Variants in COG6 observed in about 807,000 individuals in gnomAD.
COG6 encodes the protein component of oligomeric golgi complex 6.
In COG6, 74 loss-of-function variants were observed where a neutral mutation model predicts 88.8. That is an observed-to-expected ratio of 0.83 (90% CI 0.69 to 1.01). The LOEUF is 1.01. Among genes scored for constraint, COG6 ranks in the 50% least tolerant of loss-of-function variants. The pLI is 0.00. For synonymous variants in COG6, 286 were observed against 278.7 expected, an observed-to-expected ratio of 1.03 and a Z score of -0.26; for missense variants, 800 against 797.9, an observed-to-expected ratio of 1.00 and a Z score of -0.03.
intron 18 of COG6, among the ~76,000 whole-genome samples, chr13:39,734,845 A>G (rs1299679674): frequency 2.0e-5 from 3 of 152,132 alleles, no homozygotes; most frequent in Non-Finnish European, 2.9e-5. Context: ...CTTTATCATT[A>G]TATACTGAAC....
At chr13:39,779,352 G>A (rs568666124) in intron 18 of COG6, among the ~76,000 whole-genome samples, 5 of 152,196 alleles carry the variant, frequency 3.3e-5, no homozygotes, top group Non-Finnish European at 7.3e-5. Flanking sequence ...CATCAGTCAC[G>A]TGTGTCTCTT....
chr13:39,719,921 T>G (rs1229340101), intron 15 of COG6, 94 bp downstream of exon 15: 1 of 914,618 alleles, frequency 1.1e-6, no homozygotes, highest in African/African-American at 1.6e-5. Context: ...TTTAATGACC[T>G]AATTCCTATA....
intron 3 of COG6, among the ~76,000 whole-genome samples, chr13:39,662,758 G>C (rs1040799744): frequency 3.7e-4 from 56 of 152,186 alleles, no homozygotes; most frequent in African/African-American, 1.3e-3. Context: ...GGAGGTCCAT[G>C]ATTTTGAAAG....
At chr13:39,775,282 G>C (rs1238474846) in intron 18 of COG6, among the ~76,000 whole-genome samples, 1 of 152,170 alleles carries the variant, frequency 6.6e-6, no homozygotes, top group African/African-American at 2.4e-5. Flanking sequence ...AATAAGTTAA[G>C]ACAGGTAAAA....
chr13:39,672,863 G>A (rs1308541846), intron 4 of COG6, among the ~76,000 whole-genome samples: 1 of 152,010 alleles, frequency 6.6e-6, no homozygotes, highest in Non-Finnish European at 1.5e-5. Flanking sequence ...TCCAAAAGCA[G>A]CATATGAGGA....
chr13:39,685,669 G>GC (rs1280519147), intron 8 of COG6, among the ~76,000 whole-genome samples: 2 of 152,052 alleles, frequency 1.3e-5, no homozygotes, highest in African/African-American at 4.8e-5. Flanking sequence ...GCTGTGATAA[G>GC]CAGTCATAAG....
At chr13:39,667,548 A>G (rs943034846) in intron 4 of COG6, among the ~76,000 whole-genome samples, 1 of 152,174 alleles carries the variant, frequency 6.6e-6, no homozygotes. Context: ...TAATTACTTG[A>G]TGTTGACCTA....
intron 10 of COG6, 70 bp downstream of exon 10, chr13:39,687,869 T>A: frequency 9.2e-7 from 1 of 1,084,270 alleles, no homozygotes; most frequent in South Asian, 1.3e-5. Context: ...TTTCTGTTCT[T>A]GTTGCCATCT....
At chr13:39,756,908 C>T (rs3012151), downstream of COG6, among the ~76,000 whole-genome samples, 232 of 151,980 alleles carry the variant, frequency 1.5e-3, 2 homozygotes, top group African/African-American at 5.4e-3. Context: ...AATGAAAGGA[C>T]GCTAGACAAA....
intron 18 of COG6, among the ~76,000 whole-genome samples, chr13:39,777,402 G>C (rs374165769): frequency 2.0e-5 from 3 of 152,258 alleles, no homozygotes; most frequent in African/African-American, 4.8e-5. Flanking sequence ...AGGTTAGAAG[G>C]GGGTGTGGAG....
intron 5 of COG6, chr13:39,679,281 T>C (rs1289124984): frequency 1.3e-5 from 6 of 450,150 alleles, no homozygotes; most frequent in Non-Finnish European, 2.4e-5. Context: ...TTTGTCTTTA[T>C]AAATTTTATT....
At chr13:39,736,550 G>T (rs1188797853) in intron 18 of COG6, among the ~76,000 whole-genome samples, 1 of 152,008 alleles carries the variant, frequency 6.6e-6, no homozygotes, top group Non-Finnish European at 1.5e-5. Flanking sequence ...AATTAGCCAG[G>T]CATAGTGGTG....
chr13:39,719,610 C>T, intron 14 of COG6, 50 bp from the exon 15 acceptor site: 1 of 1,521,458 alleles, frequency 6.6e-7, no homozygotes, highest in South Asian at 1.1e-5. Flanking sequence ...TAACCCAAGA[C>T]CCTATCAGTG....
intron 4 of COG6, among the ~76,000 whole-genome samples, chr13:39,668,872 C>T (rs1479572670): frequency 1.3e-5 from 2 of 151,952 alleles, no homozygotes; most frequent in Non-Finnish European, 2.9e-5. Flanking sequence ...TAACATTTTA[C>T]AGAACTATAG....
At chr13:39,737,643 C>T (rs1020141470) in intron 18 of COG6, among the ~76,000 whole-genome samples, 2 of 151,672 alleles carry the variant, frequency 1.3e-5, no homozygotes, top group African/African-American at 4.9e-5. Context: ...CAAGTACTCC[C>T]GTGGCTGCCC....
intron 1 of COG6, chr13:39,656,808 A>G (rs1423991194): frequency 2.2e-6 from 1 of 455,718 alleles, no homozygotes; most frequent in African/African-American, 2.0e-5. Context: ...CCCTTCACTA[A>G]TCTCAGCTTC....
chr13:39,732,307 G>A (rs1253037029), intron 18 of COG6, among the ~76,000 whole-genome samples: 2 of 151,992 alleles, frequency 1.3e-5, no homozygotes, highest in Non-Finnish European at 2.9e-5. Context: ...ACTGCCTTCC[G>A]GAACAAAACA....
At chr13:39,659,563 C>G (rs1286142086) in intron 2 of COG6, 56 bp downstream of exon 2, 2 of 1,454,864 alleles carry the variant, frequency 1.4e-6, no homozygotes, top group Non-Finnish European at 1.9e-6. Flanking sequence ...ACGCCTGGCT[C>G]TGTGCTAAGT....
At chr13:39,682,150 A>G in intron 7 of COG6, 21 bp from the exon 8 acceptor site, 1 of 1,525,968 alleles carries the variant, frequency 6.6e-7, no homozygotes. Context: ...AACAAAAGTT[A>G]TAATGTTAAT....
Sources: allele counts gnomAD v4.1 joint callset (sites outside exome capture counted in the v4.1 genomes callset), GRCh38; gene constraint gnomAD v4.1.1; transcripts MANE v1.5; gene names NCBI Gene and HGNC (gene_info 2026-07-23, HGNC 2026-07-21).